SEC14L3: variants seen among roughly 807,000 people sequenced by gnomAD.
The protein encoded by SEC14L3 is SEC14 like lipid binding 3.
Under a neutral mutation model 57.4 loss-of-function variants are expected in SEC14L3, and 56 were observed. The observed-to-expected ratio is 0.97, with a 90% CI of 0.79 to 1.22. The LOEUF is 1.22. Ranked by LOEUF, SEC14L3 falls within the 50% of genes most tolerant of loss-of-function variation. The pLI is 0.00. For missense variants in SEC14L3, 485 were observed against 511.7 expected, an observed-to-expected ratio of 0.95 and a Z score of 0.50; for synonymous variants, 173 against 194.4, an observed-to-expected ratio of 0.89 and a Z score of 0.92.
In SEC14L3 at chr22:30,448,751, G is replaced by A. The variant is rs560343482; in HGVS notation, c.*336C>T. 71 of 209,178 alleles carry A rather than the reference G, an allele frequency of 3.4e-4. No homozygotes were observed. In the South Asian group the frequency reaches 8.5e-3, roughly 25 times the overall value. The allele number at this position is 209,178 out of a possible 1,614,324, so 13.0% of individuals were successfully genotyped here. On this transcript the variant is annotated 3_prime_UTR_variant, in exon 13 of 13. Transcript: ENST00000403066. ...AAAGAAAGAAAGAAAAAAAACCCAGGCATGGTGATGTGTACCTGTGGTCTC... is the reference window on the plus strand; with the variant it reads ...AAAGAAAGAAAGAAAAAAAACCCAGACATGGTGATGTGTACCTGTGGTCTC...
intron 4 of SEC14L3, chr22:30,469,092 T>A: frequency 1.7e-6 from 1 of 600,742 alleles, no homozygotes; most frequent in South Asian, 3.3e-5. Flanking sequence ...TTGAGGCAGA[T>A]GGGATCTCCT....
intron 7 of SEC14L3, 37 bp downstream of exon 7, chr22:30,466,297 A>G (rs780887280): frequency 6.3e-7 from 1 of 1,589,732 alleles, no homozygotes; most frequent in Non-Finnish European, 8.6e-7. Context: ...AGATGAGGAA[A>G]CAGAGGCACA....
At chr22:30,461,176 A>C in intron 11 of SEC14L3, 134 bp downstream of exon 11, 1 of 1,085,012 alleles carries the variant, frequency 9.2e-7, no homozygotes, top group South Asian at 1.7e-5. Flanking sequence ...TGACTGTATG[A>C]ATGAATGGTG....
At chr22:30,461,186 G>T (rs1935243945) in intron 11 of SEC14L3, 124 bp downstream of exon 11, 3 of 1,193,726 alleles carry the variant, frequency 2.5e-6, no homozygotes, top group Non-Finnish European at 3.5e-6. Flanking sequence ...AATGAATGGT[G>T]CTAACCTAGG....
intron 12 of SEC14L3, among the ~76,000 whole-genome samples, chr22:30,450,148 G>T (rs1221995680): frequency 1.3e-5 from 2 of 152,148 alleles, no homozygotes; most frequent in Admixed American, 6.5e-5. Flanking sequence ...TGGGCACGAT[G>T]TAGTTCAACA....
chr22:30,448,912 C>T, exon 13 of SEC14L3: 1 of 608,932 alleles, frequency 1.6e-6, no homozygotes, highest in Non-Finnish European at 2.8e-6. Context: ...ACAAACAAAC[C>T]TCCAAAACTT....
At position 30,470,016 on chromosome 22, in the gene SEC14L3, C is replaced by A. The variant is rs754993904; in HGVS notation, c.234+3G>T. 1.9e-6 allele frequency: 3 copies of A among 1,543,846 alleles called. No individual in the cohort carries two copies. The highest frequency in any genetic ancestry group is 1.4e-5 in the African/African-American group (1 of 72,512). ...ACTGAGGTGTTTGGCGGTGTTGGCT[C>A]ACCTCTGGGGGCTGCCAATCAAGGA... On this transcript the variant is annotated splice_donor_region_variant and intron_variant, in intron 4 of 11. Coordinates refer to ENST00000215812, the MANE Select transcript of SEC14L3 (RefSeq NM_174975.5).
downstream of SEC14L3, among the ~76,000 whole-genome samples, chr22:30,455,104 T>A (rs767708695): frequency 2.1e-3 from 55 of 26,660 alleles, no homozygotes; most frequent in African/African-American, 8.6e-3. Flanking sequence ...TATAATATAT[T>A]TAATATTTAA....
At position 30,449,298 on chromosome 22, in the gene SEC14L3, T is replaced by C. The variant is rs957139534; in HGVS notation, c.905-54A>G. 29 of 1,545,520 alleles carry C rather than the reference T, an allele frequency of 1.9e-5. No individual in the cohort carries two copies. In the Middle Eastern group the frequency reaches 5.0e-4, roughly 27 times the overall value. On this transcript the variant is annotated intron_variant, in intron 12 of 12. Transcript: ENST00000403066. Reference sequence around the variant, plus strand: ...CAAAACAAACAAAAAGAAATGAAAATCCTGAACTCCAGAGGGTCACCAATA... The same window carrying C: ...CAAAACAAACAAAAAGAAATGAAAACCCTGAACTCCAGAGGGTCACCAATA...
chr22:30,451,991 CAAA>C (rs34799395), intron 12 of SEC14L3, among the ~76,000 whole-genome samples: 1 of 33,826 alleles, frequency 3.0e-5, no homozygotes, highest in African/African-American at 1.5e-4. Context: ...GACTCCATCT[CAAA>C]AAAAAAAAAA....
rs1934959106 is a variant in SEC14L3 at position 30,450,422 on chromosome 22, C to T, written c.905-1178G>A. On this transcript the variant is annotated intron_variant, in intron 12 of 12. Transcript: ENST00000403066. ...CCAGGTTCAAACAATTCTGCCTCAG[C>T]CTCCCCAGTAGCTGGGATTACAAGT... Among the ~76,000 whole-genome samples the T allele has an allele frequency of 2.6e-5, 4 of 152,156 alleles. No homozygotes were observed. In the South Asian group the frequency reaches 8.3e-4, roughly 31 times the overall value.
chr22:30,451,683 G>T (rs536833224), intron 12 of SEC14L3, among the ~76,000 whole-genome samples: 1 of 151,926 alleles, frequency 6.6e-6, no homozygotes, highest in Non-Finnish European at 1.5e-5. Flanking sequence ...CTGCACTTAC[G>T]AGATCAAGAA....
At position 30,461,662 on chromosome 22, in the gene SEC14L3, C is replaced by T. The variant is rs200140585; in HGVS notation, c.804G>A (p.Met268Ile). The change falls in exon 10 of 12, where the codon ATG (methionine) becomes ATA (isoleucine). Residue 268 changes from methionine to isoleucine, a missense_variant. By Grantham distance (10) the Met-to-Ile change is conservative. Coordinates refer to ENST00000215812, the MANE Select transcript of SEC14L3 (RefSeq NM_174975.5). Reference protein sequence around the residue: ...INYGGEIPKSMYVRDQVKTQY... With the variant: ...INYGGEIPKSIYVRDQVKTQY... ...GAGTCTTCACCTGGTCCCGCACGTA[C>T]ATGGACTTGGGGATCTCCCCGCCAT... 1 of 1,611,794 alleles carries T rather than the reference C, an allele frequency of 6.2e-7. No individual in the cohort carries two copies. Among genetic ancestry groups the T allele is most frequent in the African/African-American group, 1.3e-5 (1 of 75,022 alleles).
chr22:30,454,331 A>C (rs1935039847), downstream of SEC14L3, among the ~76,000 whole-genome samples: 1 of 151,796 alleles, frequency 6.6e-6, no homozygotes, highest in African/African-American at 2.4e-5. Flanking sequence ...GGAGGCCCAC[A>C]AGATGGGGCT....
In SEC14L3 at chr22:30,461,759, T is replaced by C. The variant is rs1935275002; in HGVS notation, c.772-65A>G. 24 of 1,553,198 alleles carry C rather than the reference T, an allele frequency of 1.5e-5. No homozygotes were observed. The South Asian group carries it at 2.0e-4, about 13-fold the overall frequency. On this transcript the variant is annotated intron_variant, in intron 9 of 11. Coordinates refer to ENST00000215812, the MANE Select transcript of SEC14L3 (RefSeq NM_174975.5). ...GGCCATTGTTCATGTTTCTTCTGCCTGAGACACTTTCACCACCTCCTGGAA... is the reference window on the plus strand; with the variant it reads ...GGCCATTGTTCATGTTTCTTCTGCCCGAGACACTTTCACCACCTCCTGGAA...
In SEC14L3 at chr22:30,467,015, G is replaced by T; in HGVS notation, c.486C>A (p.His162Gln). The T allele has an allele frequency of 6.2e-7, 1 of 1,614,090 alleles. No individual in the cohort carries two copies. The highest frequency in any genetic ancestry group is 1.3e-5 in the African/African-American group (1 of 75,012). The change falls in exon 6 of 12, where the codon CAC becomes CAA. Residue 162 changes from histidine (H) to glutamine (Q), a missense_variant. His to Gln is a conservative substitution (Grantham distance 24). Coordinates refer to ENST00000215812, the MANE Select transcript of SEC14L3 (RefSeq NM_174975.5). ...ACACTTCTACCAGAGGTTTCCAGAA[G>T]TGTTTCAGTCCCAGGCCCTCACAGT... is the stretch of plus-strand genomic sequence containing the variant. ...IFDCEGLGLK[H>Q]FWKPLVEVYQ...
rs746046871 is a variant in SEC14L3 at position 30,470,547 on chromosome 22, C to G, written c.90G>C (p.Leu30=). Residue 30 remains leucine (L), a synonymous_variant, in exon 2 of 12, where the codon CTG becomes CTC. Transcript: ENST00000215812. The part of the protein sequence containing the change: ...RENVQDVLPA[L]PNPDDYFLLR... ...GAAGGAAATAATCATCAGGGTTGGG[C>G]AGGGCAGGAAGCACATCCTGGACGT... 2.2e-5 allele frequency: 36 copies of G among 1,614,040 alleles called. No individual in the cohort carries two copies. Among genetic ancestry groups the G allele is most frequent in the Non-Finnish European group, 3.0e-5 (35 of 1,180,026 alleles).
intron 3 of SEC14L3, 48 bp downstream of exon 3, chr22:30,470,164 G>T (rs1212771847): frequency 1.2e-6 from 2 of 1,612,320 alleles, no homozygotes; most frequent in African/African-American, 2.7e-5. Flanking sequence ...GGCATGGATT[G>T]CCCCTGACAA....
intron 5 of SEC14L3, among the ~76,000 whole-genome samples, chr22:30,467,476 G>T (rs866976008): frequency 2.0e-5 from 3 of 152,152 alleles, no homozygotes; most frequent in African/African-American, 4.8e-5. Flanking sequence ...AAAGTGTAAT[G>T]AATAGTGCCT....
Sources: allele counts gnomAD v4.1 joint callset (sites outside exome capture counted in the v4.1 genomes callset), GRCh38; gene constraint gnomAD v4.1.1; transcripts MANE v1.5; gene names NCBI Gene and HGNC (gene_info 2026-07-23, HGNC 2026-07-21).